ZNF385D: variants seen among roughly 807,000 people sequenced by gnomAD.
ZNF385D encodes the protein zinc finger protein 385D, also known as zinc finger protein 659.
In ZNF385D, 15 loss-of-function variants were observed where a neutral mutation model predicts 35.8. The ratio of observed to expected loss-of-function variants is 0.42; its 90% CI spans 0.28 to 0.64. The LOEUF (loss-of-function observed/expected upper bound fraction) is 0.64, where lower values mean the gene tolerates loss of function less well. Among genes scored for constraint, ZNF385D ranks in the 30% least tolerant of loss-of-function variants. The probability of loss-of-function intolerance (pLI) is 0.23; values close to 1 mark genes in which losing one functional copy is unlikely to be tolerated. For synonymous variants in ZNF385D, 212 were observed against 186.8 expected, an observed-to-expected ratio of 1.13 and a Z score of -1.10; for missense variants, 474 against 494.6, an observed-to-expected ratio of 0.96 and a Z score of 0.39.
intron 3 of ZNF385D, among the ~76,000 whole-genome samples, chr3:21,903,588 GCA>G (rs1699526128): frequency 1.3e-5 from 2 of 152,138 alleles, no homozygotes; most frequent in Admixed American, 1.3e-4. Context: ...GGTGATGATT[GCA>G]GTGGTATAAA....
chr3:21,582,731 CT>C (rs2063702764), intron 2 of ZNF385D, among the ~76,000 whole-genome samples: 1 of 151,726 alleles, frequency 6.6e-6, no homozygotes, highest in African/African-American at 2.4e-5. Flanking sequence ...GTACAGTCAC[CT>C]TTTGGTTGCA....
chr3:21,647,225 A>T (rs371166418), intron 2 of ZNF385D, among the ~76,000 whole-genome samples: 2 of 152,332 alleles, frequency 1.3e-5, no homozygotes, highest in South Asian at 2.1e-4. Context: ...AAAATCTCAT[A>T]TGAGAGTTTC....
At chr3:21,892,045 T>C (rs545927063) in intron 3 of ZNF385D, among the ~76,000 whole-genome samples, 2 of 152,348 alleles carry the variant, frequency 1.3e-5, no homozygotes, top group Admixed American at 1.3e-4. Flanking sequence ...GTAGTTTATA[T>C]GATATTGGTT....
chr3:22,137,269 T>A (rs1371114468), intron 3 of ZNF385D, among the ~76,000 whole-genome samples: 2 of 152,138 alleles, frequency 1.3e-5, no homozygotes, highest in African/African-American at 4.8e-5. Flanking sequence ...CCATTCATTC[T>A]GAAACCATTC....
rs115889405 is a variant in ZNF385D at position 21,931,186 on chromosome 3, G to A, written c.325+237631C>T. On this transcript the variant is annotated intron_variant, in intron 3 of 5. Transcript: ENST00000494108. ...ACAAATGTCTAATTAATAAGCACCT[G>A]AAGAATGCTCAGTATCTTTAGTAGT... Among the ~76,000 whole-genome samples the A allele has an allele frequency of 2.5e-3, 387 of 152,242 alleles. 2 individuals carry two copies. The highest frequency in any genetic ancestry group is 8.8e-3 in the African/African-American group (367 of 41,558).
chr3:21,855,196 G>A (rs899268489), intron 3 of ZNF385D, among the ~76,000 whole-genome samples: 3 of 151,894 alleles, frequency 2.0e-5, no homozygotes, highest in African/African-American at 7.3e-5. Flanking sequence ...CTGAGAAATC[G>A]CTAGCAATCT....
intron 2 of ZNF385D, among the ~76,000 whole-genome samples, chr3:22,283,054 A>C (rs887229075): frequency 6.6e-5 from 10 of 152,242 alleles, no homozygotes; most frequent in African/African-American, 2.4e-4. Context: ...TCAGAAAAAA[A>C]ATTTTAAGGT....
At chr3:22,079,248 T>C (rs995078402) in intron 3 of ZNF385D, among the ~76,000 whole-genome samples, 26 of 149,982 alleles carry the variant, frequency 1.7e-4, no homozygotes, top group Non-Finnish European at 3.4e-4. Flanking sequence ...AGAAATATAA[T>C]TGCAACAAAC....
intron 1 of ZNF385D, among the ~76,000 whole-genome samples, chr3:21,725,707 A>G (rs2068730652): frequency 6.6e-6 from 1 of 152,170 alleles, no homozygotes; most frequent in African/African-American, 2.4e-5. Context: ...CCAACCAAAG[A>G]AAGTCCAGGA....
intron 2 of ZNF385D, among the ~76,000 whole-genome samples, chr3:21,607,996 T>C (rs2064534173): frequency 6.6e-6 from 1 of 151,074 alleles, no homozygotes; most frequent in African/African-American, 2.4e-5. Flanking sequence ...AATGAAAAGA[T>C]GTAATTCTTT....
intron 3 of ZNF385D, among the ~76,000 whole-genome samples, chr3:22,083,419 A>G (rs577849582): frequency 6.6e-6 from 1 of 152,364 alleles, no homozygotes; most frequent in Admixed American, 6.5e-5. Context: ...CCATGGCACA[A>G]GAACTACGTG....
At chr3:21,800,428 T>G (rs114309711) in intron 3 of ZNF385D, among the ~76,000 whole-genome samples, 2,939 of 152,256 alleles carry the variant, frequency 0.019, 93 homozygotes, top group African/African-American at 0.066. Flanking sequence ...TTAGCAATGT[T>G]GTAGTTTTCA....
At chr3:22,329,893 T>C (rs1406227765) in intron 2 of ZNF385D, among the ~76,000 whole-genome samples, 2 of 152,230 alleles carry the variant, frequency 1.3e-5, no homozygotes, top group African/African-American at 4.8e-5. Context: ...TGGTATGTGT[T>C]TTACACTTAT....
chr3:22,335,575 A>G (rs1695126537), intron 2 of ZNF385D, among the ~76,000 whole-genome samples: 1 of 152,126 alleles, frequency 6.6e-6, no homozygotes, highest in Admixed American at 6.5e-5. Flanking sequence ...GAAATGCACA[A>G]CAGTTTTCCA....
chr3:21,561,188 G>T (rs1037428694), intron 3 of ZNF385D, among the ~76,000 whole-genome samples: 3 of 152,164 alleles, frequency 2.0e-5, no homozygotes, highest in Admixed American at 1.3e-4. Context: ...AGCCACTGGG[G>T]TATGAAAAAG....
rs1300789353 is a variant in ZNF385D at position 21,682,752 on chromosome 3, G to A, written c.23-17724C>T. Among the ~76,000 whole-genome samples, 2 of 149,476 alleles carry A rather than the reference G, an allele frequency of 1.3e-5. 1 individual carries two copies. Among genetic ancestry groups the A allele is most frequent in the Non-Finnish European group, 3.0e-5 (2 of 67,298 alleles). ...ACTTTTTTTTTTTTCCTTTGGGAAAGGGCCAGATAATTAATATTTAAGCTT... is the reference window on the plus strand; with the variant it reads ...ACTTTTTTTTTTTTCCTTTGGGAAAAGGCCAGATAATTAATATTTAAGCTT... On this transcript the variant is annotated intron_variant, in intron 1 of 7. Coordinates refer to ENST00000281523, the MANE Select transcript of ZNF385D (RefSeq NM_024697.3).
At position 21,432,819 on chromosome 3, in the gene ZNF385D, C is replaced by T. The variant is rs138263215; in HGVS notation, c.673+4151G>A. Among the ~76,000 whole-genome samples the T allele has an allele frequency of 5.9e-3, 895 of 151,580 alleles. 10 individuals carry two copies. The highest frequency in any genetic ancestry group is 0.021 in the African/African-American group (854 of 41,332). ...AAAAAAAAAATCAAAGTAGGAATGCCTCTGTTCAAATCCTGTATTCTAATC... is the reference window on the plus strand; with the variant it reads ...AAAAAAAAAATCAAAGTAGGAATGCTTCTGTTCAAATCCTGTATTCTAATC... On this transcript the variant is annotated intron_variant, in intron 5 of 7. Coordinates refer to ENST00000281523, the MANE Select transcript of ZNF385D (RefSeq NM_024697.3).
intron 3 of ZNF385D, among the ~76,000 whole-genome samples, chr3:21,963,647 G>A (rs1702719971): frequency 6.6e-6 from 1 of 152,068 alleles, no homozygotes; most frequent in Non-Finnish European, 1.5e-5. Flanking sequence ...ACGCCTTTAA[G>A]TTATAATACA....
intron 3 of ZNF385D, among the ~76,000 whole-genome samples, chr3:22,013,661 C>A (rs1397922151): frequency 6.6e-6 from 1 of 152,072 alleles, no homozygotes; most frequent in Non-Finnish European, 1.5e-5. Context: ...CTGAGAATGT[C>A]CAGCCAGACT....
Sources: gnomAD v4.1 joint callset for allele counts (sites outside exome capture counted in the v4.1 genomes callset) on GRCh38, gnomAD v4.1.1 for gene constraint, MANE v1.5 for transcripts, NCBI Gene and HGNC (gene_info 2026-07-23, HGNC 2026-07-21) for gene names.